BNC2: variants seen among roughly 807,000 people sequenced by gnomAD.
BNC2 encodes zinc finger protein basonuclin-2.
Under a neutral mutation model 76.3 loss-of-function variants are expected in BNC2, and 20 were observed. The observed-to-expected ratio is 0.26, with a 90% CI of 0.18 to 0.38. BNC2 has a LOEUF of 0.38. Ranked by LOEUF, BNC2 falls within the 10% of genes least tolerant of loss-of-function variation. BNC2 has a pLI of 1.00. For synonymous variants in BNC2, 582 were observed against 514.8 expected, an observed-to-expected ratio of 1.13 and a Z score of -1.77; for missense variants, 1,382 against 1,399.8, an observed-to-expected ratio of 0.99 and a Z score of 0.20.
chr9:16,616,268 T>A (rs1252279503), intron 3 of BNC2, among the ~76,000 whole-genome samples: 1 of 152,090 alleles, frequency 6.6e-6, no homozygotes, highest in Non-Finnish European at 1.5e-5. Context: ...AGTGCATACC[T>A]ATAGTCCCAG....
chr9:16,434,152 G>C (rs897245445), intron 6 of BNC2, among the ~76,000 whole-genome samples: 18 of 152,038 alleles, frequency 1.2e-4, no homozygotes, highest in Non-Finnish European at 2.1e-4. Context: ...GTTTTGGGTT[G>C]TATAAGAAAG....
chr9:16,419,416 A>G lies in BNC2; in HGVS notation c.2873T>C (p.Met958Thr). 6.2e-7 allele frequency: 1 copy of G among 1,605,836 alleles called. No individual in the cohort carries two copies. The highest frequency in any genetic ancestry group is 8.5e-7 in the Non-Finnish European group (1 of 1,175,668). Residue 958 changes from methionine (M) to threonine (T), a missense_variant, in exon 7 of 7, where the codon ATG (methionine) becomes ACG (threonine). Met to Thr is a moderately conservative substitution (Grantham distance 81). Around this residue, in one of 3 missense-constraint regions of BNC2, gnomAD observed 798 missense variants for 775.5 expected, o/e 1.03. Transcript: ENST00000380672. ...GGAGGTGGTGCTCAAGTCAAGGACC[A>G]TGTAGTCCTCTGCCATGCCTCTCCC... ...GYGRGMAEDY[M>T]VLDLSTTSSL...
At chr9:16,782,011 G>A (rs1429753998) in intron 1 of BNC2, among the ~76,000 whole-genome samples, 1 of 152,008 alleles carries the variant, frequency 6.6e-6, no homozygotes, top group East Asian at 1.9e-4. Context: ...TATAGGCTGG[G>A]CGTGGTGGCT....
chr9:16,861,677 A>G (rs899903096), intron 1 of BNC2, among the ~76,000 whole-genome samples: 1 of 152,166 alleles, frequency 6.6e-6, no homozygotes, highest in Non-Finnish European at 1.5e-5. Context: ...ACACCCACTA[A>G]GATCTGTAAA....
chr9:16,444,802 C>T (rs140514084), intron 5 of BNC2, among the ~76,000 whole-genome samples: 99 of 152,284 alleles, frequency 6.5e-4, no homozygotes, highest in Middle Eastern at 3.4e-3. Context: ...CGCTATTTAC[C>T]TGTTTTGTAA....
chr9:16,810,074 C>T (rs971714275), intron 1 of BNC2, among the ~76,000 whole-genome samples: 5 of 152,152 alleles, frequency 3.3e-5, no homozygotes, highest in African/African-American at 4.8e-5. Flanking sequence ...ACTGACCCAT[C>T]TCAATTAATG....
intron 5 of BNC2, among the ~76,000 whole-genome samples, chr9:16,499,658 T>C (rs1780389168): frequency 6.6e-6 from 1 of 151,434 alleles, no homozygotes; most frequent in Non-Finnish European, 1.5e-5. Flanking sequence ...GCTTCCCAAG[T>C]AGCTGGGACT....
chr9:16,630,634 T>G (rs1821132947), intron 3 of BNC2, among the ~76,000 whole-genome samples: 1 of 152,208 alleles, frequency 6.6e-6, no homozygotes, highest in Admixed American at 6.5e-5. Flanking sequence ...CTTCTTTTCC[T>G]TTTTTTAAAC....
At chr9:16,441,205 G>T (rs1430317370) in intron 5 of BNC2, among the ~76,000 whole-genome samples, 1 of 152,176 alleles carries the variant, frequency 6.6e-6, no homozygotes, top group Non-Finnish European at 1.5e-5. Context: ...TTGGGAGTTT[G>T]AGGTGGAAGG....
At chr9:16,529,003 G>A (rs1412214191) in intron 5 of BNC2, among the ~76,000 whole-genome samples, 1 of 152,190 alleles carries the variant, frequency 6.6e-6, no homozygotes, top group East Asian at 1.9e-4. Context: ...GAAATAATCT[G>A]TTGCATGCCT....
At chr9:16,602,180 T>C (rs1189593753) in intron 3 of BNC2, among the ~76,000 whole-genome samples, 1 of 152,206 alleles carries the variant, frequency 6.6e-6, no homozygotes, top group African/African-American at 2.4e-5. Flanking sequence ...GCCAAGTGGC[T>C]CCCAAAGTGA....
At chr9:16,836,220 T>C (rs1283187549) in intron 1 of BNC2, among the ~76,000 whole-genome samples, 2 of 152,244 alleles carry the variant, frequency 1.3e-5, no homozygotes, top group African/African-American at 2.4e-5. Context: ...TTCCTTTCCT[T>C]TGTGGGCCAA....
At chr9:16,717,364 CT>C (rs1281749430) in intron 3 of BNC2, among the ~76,000 whole-genome samples, 1 of 152,106 alleles carries the variant, frequency 6.6e-6, no homozygotes, top group East Asian at 1.9e-4. Flanking sequence ...ATGGAAATTT[CT>C]CAACTAATTA....
intron 1 of BNC2, among the ~76,000 whole-genome samples, chr9:16,741,228 C>T (rs545287683): frequency 1.3e-5 from 2 of 152,090 alleles, no homozygotes; most frequent in Non-Finnish European, 2.9e-5. Flanking sequence ...CCGAGGTGGG[C>T]GGATCACCTG....
intron 5 of BNC2, among the ~76,000 whole-genome samples, chr9:16,482,231 G>A (rs1822071715): frequency 6.6e-6 from 1 of 152,154 alleles, no homozygotes; most frequent in Non-Finnish European, 1.5e-5. Flanking sequence ...GCCAAACACA[G>A]TCTTCCAGCA....
At chr9:16,514,224 T>C (rs947466387) in intron 5 of BNC2, among the ~76,000 whole-genome samples, 2 of 152,192 alleles carry the variant, frequency 1.3e-5, no homozygotes, top group Non-Finnish European at 2.9e-5. Flanking sequence ...ACTTCTATTG[T>C]CTCCAGACCA....
At chr9:16,640,981 T>G (rs1349271950) in intron 3 of BNC2, among the ~76,000 whole-genome samples, 2 of 152,226 alleles carry the variant, frequency 1.3e-5, no homozygotes, top group Non-Finnish European at 2.9e-5. Context: ...ACCATCACTG[T>G]GAGCATTTAC....
chr9:16,722,860 T>G (rs1236846724), intron 3 of BNC2, among the ~76,000 whole-genome samples: 1 of 152,222 alleles, frequency 6.6e-6, no homozygotes, highest in East Asian at 1.9e-4. Context: ...GTCTGCATGT[T>G]ATCCATAGAC....
intron 3 of BNC2, among the ~76,000 whole-genome samples, chr9:16,721,064 A>C (rs1453434229): frequency 1.3e-5 from 2 of 152,172 alleles, no homozygotes; most frequent in Non-Finnish European, 2.9e-5. Context: ...CTGGGGAGAA[A>C]GATGGCAGTA....
Sources: allele counts gnomAD v4.1 joint callset (sites outside exome capture counted in the v4.1 genomes callset), GRCh38; gene constraint gnomAD v4.1.1; regional missense constraint gnomAD v4.1.1; transcripts MANE v1.5; gene names NCBI Gene and HGNC (gene_info 2026-07-23, HGNC 2026-07-21).